The following INPP5B variants were observed in gnomAD, a reference collection of about 807,000 sequenced individuals.
INPP5B encodes the protein inositol polyphosphate-5-phosphatase B, also known as type II inositol 1,4,5-trisphosphate 5-phosphatase.
Under a neutral mutation model 118.5 loss-of-function variants are expected in INPP5B, and 90 were observed. That is an observed-to-expected ratio of 0.76 (90% confidence interval 0.64 to 0.90). The LOEUF (loss-of-function observed/expected upper bound fraction) is 0.90, where lower values mean the gene tolerates loss of function less well. Ranked by LOEUF, INPP5B falls within the 40% of genes least tolerant of loss-of-function variation. The pLI is 0.00. For synonymous variants in INPP5B, 385 were observed against 418.9 expected, an observed-to-expected ratio of 0.92 and a Z score of 0.99; for missense variants, 984 against 1,125.6, an observed-to-expected ratio of 0.87 and a Z score of 1.80.
At chr1:37,893,759 T>C (rs1390395598) in intron 7 of INPP5B, among the ~76,000 whole-genome samples, 1 of 152,224 alleles carries the variant, frequency 6.6e-6, no homozygotes, top group East Asian at 1.9e-4. Flanking sequence ...GTCTGGATCC[T>C]ACCCACTGCT....
intron 7 of INPP5B, among the ~76,000 whole-genome samples, chr1:37,895,535 T>C (rs1443925263): frequency 6.9e-6 from 1 of 144,190 alleles, no homozygotes; most frequent in Non-Finnish European, 1.5e-5. Flanking sequence ...CCTCTCCCTC[T>C]CTTTCCACGG....
chr1:37,903,305 T>C (rs952326851), intron 7 of INPP5B, among the ~76,000 whole-genome samples: 14 of 152,202 alleles, frequency 9.2e-5, no homozygotes, highest in African/African-American at 3.4e-4. Flanking sequence ...GTCATCCTCA[T>C]TGCTACACTC....
At chr1:37,863,013 C>A (rs1641789570) in intron 23 of INPP5B, among the ~76,000 whole-genome samples, 1 of 152,164 alleles carries the variant, frequency 6.6e-6, no homozygotes, top group African/African-American at 2.4e-5. Flanking sequence ...CCCCCAACCA[C>A]CCCGTGTCCC....
intron 7 of INPP5B, among the ~76,000 whole-genome samples, chr1:37,901,189 GTCT>G (rs892403846): frequency 2.6e-5 from 4 of 152,192 alleles, no homozygotes; most frequent in African/African-American, 9.7e-5. Context: ...CAGGGACTTG[GTCT>G]TCTTTCTTCT....
At chr1:37,893,085 C>CTTTTTTTTTTTTT (rs71053999) in intron 7 of INPP5B, among the ~76,000 whole-genome samples, 3 of 81,436 alleles carry the variant, frequency 3.7e-5, no homozygotes, top group African/African-American at 1.2e-4. Context: ...TTTTCTTTTT[C>CTTTTTTTTTTTTT]TTTTTTTTTT....
Position 37,866,406 on chromosome 1 carries a change from T to TCTCTCTCACA in INPP5B, c.2386+52_2386+53insTGTGAGAGAG, listed in dbSNP as rs748938943. 405 of 404,258 alleles carry TCTCTCTCACA rather than the reference T, an allele frequency of 1.0e-3. 2 individuals carry two copies. The highest frequency in any genetic ancestry group is 9.0e-3 in the South Asian group (228 of 25,450). The allele number at this position is 404,258 out of a possible 1,614,324, so 25.0% of individuals were successfully genotyped here. A position where few individuals can be genotyped will look rare whatever the true frequency, so the allele number is the denominator to read the frequency against. Reference sequence around the variant, plus strand: ...CATATTCTCTCTCTCTCTCTCTCTCTCACACACACACACACACACACACAC... The same window carrying TCTCTCTCACA: ...CATATTCTCTCTCTCTCTCTCTCTCTCTCTCTCACACACACACACACACACACACACACAC... On this transcript the variant is annotated intron_variant, in intron 21 of 23. Coordinates refer to ENST00000373024, the MANE Select transcript of INPP5B (RefSeq NM_005540.3).
At chr1:37,946,804 C>G (rs1469957115) in intron 1 of INPP5B, among the ~76,000 whole-genome samples, 186 bp downstream of exon 1, 1 of 152,092 alleles carries the variant, frequency 6.6e-6, no homozygotes, top group Non-Finnish European at 1.5e-5. Flanking sequence ...TTCCTCTTTC[C>G]TTGGAGACAG....
At chr1:37,919,040 T>G (rs1329658661) in intron 7 of INPP5B, among the ~76,000 whole-genome samples, 1 of 152,208 alleles carries the variant, frequency 6.6e-6, no homozygotes, top group Non-Finnish European at 1.5e-5. Context: ...ATGGTGCAGC[T>G]GACATTAAAA....
At chr1:37,943,587 G>A in intron 5 of INPP5B, 53 bp downstream of exon 5, 1 of 1,594,372 alleles carries the variant, frequency 6.3e-7, no homozygotes, top group Non-Finnish European at 8.6e-7. Flanking sequence ...TTCTTTCTCT[G>A]AAAATCAGGC....
At chr1:37,885,287 G>A (rs537878962) in intron 13 of INPP5B, among the ~76,000 whole-genome samples, 35 of 151,642 alleles carry the variant, frequency 2.3e-4, no homozygotes, top group African/African-American at 7.7e-4. Flanking sequence ...GGTGGCAGGC[G>A]CCTGTAGTCC....
intron 7 of INPP5B, among the ~76,000 whole-genome samples, chr1:37,894,783 A>T (rs969091033): frequency 6.0e-5 from 9 of 150,970 alleles, no homozygotes; most frequent in African/African-American, 2.2e-4. Flanking sequence ...CTGGTCTCAA[A>T]CTCCTGACGT....
intron 6 of INPP5B, among the ~76,000 whole-genome samples, chr1:37,937,103 G>A (rs886184335): frequency 3.3e-5 from 5 of 151,532 alleles, no homozygotes; most frequent in African/African-American, 1.2e-4. Context: ...ACAAGGTCAG[G>A]AGTTCGAGAC....
intron 19 of INPP5B, among the ~76,000 whole-genome samples, chr1:37,872,063 C>CAAAAAAA (rs34131982): frequency 3.4e-5 from 2 of 58,212 alleles, no homozygotes; most frequent in Non-Finnish European, 6.3e-5. Flanking sequence ...GACTCCATCT[C>CAAAAAAA]AAAAAAAAAA....
At chr1:37,900,133 G>C (rs1644276805) in intron 7 of INPP5B, among the ~76,000 whole-genome samples, 1 of 145,430 alleles carries the variant, frequency 6.9e-6, no homozygotes, top group East Asian at 2.1e-4. Context: ...CCAGGCTAGA[G>C]TGCAGTGGGG....
intron 7 of INPP5B, chr1:37,930,877 G>A (rs1331574351): frequency 2.0e-5 from 3 of 152,176 alleles, no homozygotes; most frequent in African/African-American, 4.8e-5. Context: ...GTCACAAATA[G>A]GTACTAGGGG....
At chr1:37,937,004 G>T (rs1227773473) in intron 6 of INPP5B, among the ~76,000 whole-genome samples, 1 of 151,982 alleles carries the variant, frequency 6.6e-6, no homozygotes, top group African/African-American at 2.4e-5. Context: ...TCCCTTGTAA[G>T]ATCGTGGTAA....
chr1:37,937,972 C>CA (rs916186225), intron 6 of INPP5B, among the ~76,000 whole-genome samples: 10,850 of 57,362 alleles, frequency 0.19, 671 homozygotes, highest in Middle Eastern at 0.43. Flanking sequence ...AAGTTGGTCT[C>CA]AAAAAAAAAA....
At chr1:37,891,910 C>A (rs992221119) in intron 7 of INPP5B, among the ~76,000 whole-genome samples, 17 of 152,318 alleles carry the variant, frequency 1.1e-4, no homozygotes, top group African/African-American at 3.6e-4. Flanking sequence ...ATGCTGATGT[C>A]TGGGTGAAGT....
At chr1:37,941,776 A>AAAAT (rs1645922968) in intron 5 of INPP5B, among the ~76,000 whole-genome samples, 1 of 137,532 alleles carries the variant, frequency 7.3e-6, no homozygotes, top group Admixed American at 7.4e-5. Context: ...GTCTCTACTA[A>AAAAT]AAATACAAAA....
Sources: gnomAD v4.1 joint callset for allele counts (sites outside exome capture counted in the v4.1 genomes callset) on GRCh38, gnomAD v4.1.1 for gene constraint, MANE v1.5 for transcripts, NCBI Gene and HGNC (gene_info 2026-07-23, HGNC 2026-07-21) for gene names.